TENM3: variants seen among roughly 807,000 people sequenced by gnomAD.
TENM3 encodes the protein teneurin-3.
A neutral mutation model predicts 255.1 loss-of-function variants in TENM3; 63 were observed. That is an observed-to-expected ratio of 0.25 (90% CI 0.20 to 0.30). TENM3 has a LOEUF of 0.30. Ranked by LOEUF, TENM3 falls within the 10% of genes least tolerant of loss-of-function variation. The probability of loss-of-function intolerance (pLI) is 1.00; values close to 1 mark genes in which losing one functional copy is unlikely to be tolerated. For synonymous variants in TENM3, 1,306 were observed against 1,322.3 expected (o/e 0.99, Z 0.27); for missense variants, 2,929 against 3,461.1 (o/e 0.85, Z 3.86).
At chr4:182,129,692 CAAATT>C in the TENM3 span, among the ~76,000 whole-genome samples, 1 of 152,060 alleles carries the variant, frequency 6.6e-6, no homozygotes, top group Non-Finnish European at 1.5e-5. Flanking sequence ...TATAAGTAAT[CAAATT>C]AAAAGTTTTC....
chr4:181,569,434 GT>G, the TENM3 span, among the ~76,000 whole-genome samples: 5 of 152,168 alleles, frequency 3.3e-5, no homozygotes, highest in Non-Finnish European at 7.3e-5. Flanking sequence ...ATTTCCATAA[GT>G]GGATAGAATA....
chr4:182,205,748 C>T (rs1287613783), intron 1 of TENM3, among the ~76,000 whole-genome samples: 1 of 152,208 alleles, frequency 6.6e-6, no homozygotes, highest in Non-Finnish European at 1.5e-5. Flanking sequence ...CATTTGACTG[C>T]TATCTTCCCC....
the TENM3 span, among the ~76,000 whole-genome samples, chr4:181,757,701 T>C: frequency 2.0e-5 from 3 of 152,144 alleles, no homozygotes; most frequent in Non-Finnish European, 4.4e-5. Context: ...TTATAAAATA[T>C]CTCTTGAATG....
chr4:181,948,708 G>A, the TENM3 span, among the ~76,000 whole-genome samples: 3 of 152,088 alleles, frequency 2.0e-5, no homozygotes, highest in African/African-American at 4.8e-5. Context: ...GAGCCACCGC[G>A]CCTGGCCGGA....
At chr4:181,487,967 T>C in the TENM3 span, among the ~76,000 whole-genome samples, 1 of 152,146 alleles carries the variant, frequency 6.6e-6, no homozygotes, top group African/African-American at 2.4e-5. Context: ...CTCCTGAAAG[T>C]CATGAAAAAT....
At chr4:182,026,237 G>T in the TENM3 span, among the ~76,000 whole-genome samples, 1 of 152,066 alleles carries the variant, frequency 6.6e-6, no homozygotes, top group African/African-American at 2.4e-5. Flanking sequence ...TGGACATTTG[G>T]GTTGGTGCCA....
At chr4:181,739,614 A>G in the TENM3 span, among the ~76,000 whole-genome samples, 1 of 152,268 alleles carries the variant, frequency 6.6e-6, no homozygotes, top group South Asian at 2.1e-4. Context: ...CTGCCTCTAT[A>G]TAAGCTTTCC....
the TENM3 span, among the ~76,000 whole-genome samples, chr4:181,506,089 C>T: frequency 1.3e-5 from 2 of 152,080 alleles, no homozygotes; most frequent in Admixed American, 6.6e-5. Flanking sequence ...AGAAACTTTC[C>T]ATAGCATAGG....
the TENM3 span, among the ~76,000 whole-genome samples, chr4:182,036,799 A>T: frequency 6.6e-6 from 1 of 152,116 alleles, no homozygotes; most frequent in African/African-American, 2.4e-5. Flanking sequence ...TTTTCCTGAT[A>T]AAAAAATTAC....
the TENM3 span, among the ~76,000 whole-genome samples, chr4:182,129,859 T>C: frequency 6.6e-6 from 1 of 152,072 alleles, no homozygotes; most frequent in African/African-American, 2.4e-5. Context: ...ACTATAACAC[T>C]ATAGTAGGAG....
intron 24 of TENM3, among the ~76,000 whole-genome samples, chr4:182,783,641 T>C (rs1247332034): frequency 2.0e-5 from 3 of 151,638 alleles, no homozygotes; most frequent in Non-Finnish European, 4.4e-5. Context: ...GATAATATCC[T>C]GCAGAGTGTT....
intron 1 of TENM3, among the ~76,000 whole-genome samples, chr4:182,233,765 C>T (rs1756722116): frequency 6.6e-6 from 1 of 152,148 alleles, no homozygotes; most frequent in Admixed American, 6.5e-5. Flanking sequence ...CCAGTTTTTT[C>T]CCATTGAACA....
the TENM3 span, among the ~76,000 whole-genome samples, chr4:181,680,367 A>G: frequency 6.6e-6 from 1 of 152,178 alleles, no homozygotes; most frequent in South Asian, 2.1e-4. Flanking sequence ...TCTAAAAAAT[A>G]TATTTTAATC....
the TENM3 span, among the ~76,000 whole-genome samples, chr4:181,889,039 G>A: frequency 6.6e-6 from 1 of 151,970 alleles, no homozygotes; most frequent in Non-Finnish European, 1.5e-5. Context: ...AGCTACCCGG[G>A]CATCCCTTAG....
chr4:182,574,486 ATGAATTCTCC>A (rs1744724563), intron 3 of TENM3, among the ~76,000 whole-genome samples: 1 of 152,146 alleles, frequency 6.6e-6, no homozygotes, highest in South Asian at 2.1e-4. Context: ...AATGAAGCAA[ATGAATTCTCC>A]TGAGCCACTA....
At chr4:182,373,053 TAA>T (rs1766952845) in intron 3 of TENM3, among the ~76,000 whole-genome samples, 1 of 152,238 alleles carries the variant, frequency 6.6e-6, no homozygotes, top group Middle Eastern at 3.4e-3. Context: ...TGATAATTAT[TAA>T]GTTAGATATT....
the TENM3 span, among the ~76,000 whole-genome samples, chr4:181,886,357 T>C: frequency 6.6e-6 from 1 of 152,222 alleles, no homozygotes; most frequent in Non-Finnish European, 1.5e-5. Flanking sequence ...ATGCCCGGCC[T>C]CTACAACTTT....
At chr4:182,138,841 AG>A in the TENM3 span, among the ~76,000 whole-genome samples, 11 of 152,202 alleles carry the variant, frequency 7.2e-5, no homozygotes, top group Non-Finnish European at 1.3e-4. Context: ...TTCTGAGAAA[AG>A]TCAACCAAGG....
Position 182,728,945 on chromosome 4 carries a change from G to C in TENM3, c.2369-20G>C. The C allele has an allele frequency of 1.2e-6, 2 of 1,603,272 alleles. No individual in the cohort carries two copies. Among genetic ancestry groups the C allele is most frequent in the Non-Finnish European group, 1.7e-6 (2 of 1,171,266 alleles). On this transcript the variant is annotated intron_variant, in intron 13 of 27. Coordinates refer to ENST00000511685, the MANE Select transcript of TENM3 (RefSeq NM_001080477.4). Reference sequence around the variant, plus strand: ...CATCAAAAGGAAAATTCTCTTACTGGGGAACATTTCTCTCTACAGATGGAC... The same window carrying C: ...CATCAAAAGGAAAATTCTCTTACTGCGGAACATTTCTCTCTACAGATGGAC...
Sources: allele counts gnomAD v4.1 joint callset (sites outside exome capture counted in the v4.1 genomes callset), GRCh38; gene constraint gnomAD v4.1.1; transcripts MANE v1.5; gene names NCBI Gene and HGNC (gene_info 2026-07-23, HGNC 2026-07-21).